Variants in SAMD4A observed in about 807,000 individuals in gnomAD.
The protein encoded by SAMD4A is protein Smaug homolog 1.
In SAMD4A, 33 loss-of-function variants were observed where a neutral mutation model predicts 81.3. That is an observed-to-expected ratio of 0.41 (90% CI 0.31 to 0.54). SAMD4A has a LOEUF of 0.54. Ranked by LOEUF, SAMD4A falls within the 20% of genes least tolerant of loss-of-function variation. The probability of loss-of-function intolerance (pLI) is 0.37; values close to 1 mark genes in which losing one functional copy is unlikely to be tolerated. For missense variants in SAMD4A, 854 were observed against 951.1 expected, an observed-to-expected ratio of 0.90 and a Z score of 1.34; for synonymous variants, 389 against 382.1, an observed-to-expected ratio of 1.02 and a Z score of -0.21.
At chr14:54,766,360 CAGGTTACAGTAGTGAGAGAA>C (rs1287613127) in intron 8 of SAMD4A, among the ~76,000 whole-genome samples, 3 of 151,742 alleles carry the variant, frequency 2.0e-5, no homozygotes, top group Admixed American at 6.6e-5. Context: ...GAGAATTAGG[CAGGTTACAGTAGTGAGAGAA>C]GGGGTGAGAC....
chr14:54,750,053 A>G (rs1377791484), intron 5 of SAMD4A, among the ~76,000 whole-genome samples: 1 of 152,130 alleles, frequency 6.6e-6, no homozygotes, highest in African/African-American at 2.4e-5. Context: ...CTCTTTTTGG[A>G]TCTTGATTGC....
At chr14:54,658,622 C>A (rs1415477445) in intron 2 of SAMD4A, among the ~76,000 whole-genome samples, 1 of 152,210 alleles carries the variant, frequency 6.6e-6, no homozygotes, top group Non-Finnish European at 1.5e-5. Flanking sequence ...ACAGGAGCCT[C>A]TTCCTTACCC....
At chr14:54,639,208 TA>T (rs1326793596) in intron 2 of SAMD4A, among the ~76,000 whole-genome samples, 3 of 152,158 alleles carry the variant, frequency 2.0e-5, no homozygotes, top group Non-Finnish European at 2.9e-5. Context: ...CATAAAATAT[TA>T]TATGTAAAGT....
chr14:54,642,141 C>T (rs530973167), intron 2 of SAMD4A, among the ~76,000 whole-genome samples: 153 of 152,154 alleles, frequency 1.0e-3, no homozygotes, highest in Non-Finnish European at 1.4e-3. Context: ...GATATTAGTT[C>T]TAAGTCTCTC....
chr14:54,655,775 A>G (rs1445098109), intron 2 of SAMD4A, among the ~76,000 whole-genome samples: 1 of 152,112 alleles, frequency 6.6e-6, no homozygotes, highest in Non-Finnish European at 1.5e-5. Flanking sequence ...AAAAGAATAT[A>G]GATCGGGAGT....
Position 54,784,610 on chromosome 14 carries a change from C to T in SAMD4A, c.2118C>T (p.His706=), listed in dbSNP as rs1169556154. 6.2e-6 allele frequency: 10 copies of T among 1,613,970 alleles called. No individual in the cohort carries two copies. The highest frequency in any genetic ancestry group is 1.1e-5 in the South Asian group (1 of 91,078). Residue 706 remains histidine (H), a synonymous_variant, in exon 12 of 13, where the codon CAC becomes CAT. Transcript: ENST00000554335. ...CGTTGTGCCTCAGTATGACCGAACA[C>T]GCCCTGGGAGGTGAGTGTGTTCTTC... ...LESLCLSMTE[H]ALGDGVDRTS...
chr14:54,711,777 C>G (rs1260380995), intron 3 of SAMD4A, among the ~76,000 whole-genome samples: 1 of 151,956 alleles, frequency 6.6e-6, no homozygotes, highest in Non-Finnish European at 1.5e-5. Flanking sequence ...TGAAACTAAA[C>G]AACTTCTGCA....
chr14:54,651,900 CT>C (rs1275000151), intron 2 of SAMD4A, among the ~76,000 whole-genome samples: 1 of 152,178 alleles, frequency 6.6e-6, no homozygotes, highest in Non-Finnish European at 1.5e-5. Context: ...TTTCTTGTAC[CT>C]ACTTTGGTAA....
Position 54,784,214 on chromosome 14 carries a change from G to A in SAMD4A, c.2045-323G>A, listed in dbSNP as rs2039075617. ...CAGAGATAACAAGGGCCTGGATCAT[G>A]CGGGGCCTTATGGGCCAGGGCAGGA... is the stretch of plus-strand genomic sequence containing the variant. On this transcript the variant is annotated intron_variant, in intron 11 of 12. Transcript: ENST00000554335. The A allele has an allele frequency of 1.3e-5, 9 of 704,714 alleles. No individual in the cohort carries two copies. In the South Asian group the frequency reaches 1.5e-4, roughly 12 times the overall value. The allele number at this position is 704,714 out of a possible 1,614,324, so 43.7% of individuals were successfully genotyped here.
intron 2 of SAMD4A, among the ~76,000 whole-genome samples, chr14:54,676,465 C>T (rs2035996483): frequency 6.6e-6 from 1 of 152,188 alleles, no homozygotes; most frequent in South Asian, 2.1e-4. Flanking sequence ...TAACCTCCGC[C>T]TCCCAAGTTC....
intron 4 of SAMD4A, among the ~76,000 whole-genome samples, chr14:54,747,536 C>G (rs1391004527): frequency 2.0e-5 from 3 of 152,190 alleles, no homozygotes; most frequent in Non-Finnish European, 4.4e-5. Context: ...GTGGTCAGTG[C>G]CTCAGAATAA....
Position 54,790,313 on chromosome 14 carries a change from G to A in SAMD4A, c.*1369G>A, listed in dbSNP as rs1260538002. On this transcript the variant is annotated 3_prime_UTR_variant, in exon 13 of 13. Coordinates refer to ENST00000554335, the MANE Select transcript of SAMD4A (RefSeq NM_015589.6). ...AGCCCCGCCATCTCCAGTGGGCGAT[G>A]AAAGATGTAGGAAAGGTTGATTTCA... 1 of 152,288 alleles carries A rather than the reference G, an allele frequency of 6.6e-6. No individual in the cohort carries two copies. Among genetic ancestry groups the A allele is most frequent in the East Asian group, 1.9e-4 (1 of 5,192 alleles). 9.4% of individuals were successfully genotyped at this position (152,288 alleles called of 1,614,324 possible).
rs572327283 is a variant in SAMD4A at position 54,631,561 on chromosome 14, C to T, written c.196+63449C>T. On this transcript the variant is annotated intron_variant, in intron 2 of 12. Coordinates refer to ENST00000554335, the MANE Select transcript of SAMD4A (RefSeq NM_015589.6). ...GCAACTTTGGAGGGCTCCAGGTGGT[C>T]ATTTCTAGGGCAGATGTTTCCCTTA... 1.2e-4 allele frequency among the ~76,000 whole-genome samples: 19 copies of T among 152,238 alleles called. No individual in the cohort carries two copies. In the South Asian group the frequency reaches 3.9e-3, roughly 32 times the overall value.
intron 2 of SAMD4A, among the ~76,000 whole-genome samples, chr14:54,668,573 T>C (rs1205373613): frequency 6.6e-6 from 1 of 152,218 alleles, no homozygotes; most frequent in East Asian, 1.9e-4. Flanking sequence ...CTGTCCTTAC[T>C]TGGGCAAAGA....
chr14:54,774,842 G>A (rs1430314147), intron 9 of SAMD4A, 92 bp from the exon 10 acceptor site: 5 of 921,112 alleles, frequency 5.4e-6, no homozygotes, highest in South Asian at 1.6e-5. Context: ...AAAATGAGGA[G>A]ACCTCCAAGG....
intron 2 of SAMD4A, among the ~76,000 whole-genome samples, chr14:54,633,937 T>G (rs1473664618): frequency 6.6e-6 from 1 of 152,154 alleles, no homozygotes; most frequent in Non-Finnish European, 1.5e-5. Context: ...GTCTTATTAC[T>G]GTGTCCTCAG....
Position 54,793,107 on chromosome 14 carries a change from T to A in SAMD4A, c.*4163T>A, listed in dbSNP as rs992265062. The A allele has an allele frequency of 6.6e-6, 1 of 152,268 alleles. No homozygotes were observed. Among genetic ancestry groups the A allele is most frequent in the African/African-American group, 2.4e-5 (1 of 41,472 alleles). The allele number at this position is 152,268 out of a possible 1,614,324, so 9.4% of individuals were successfully genotyped here. On this transcript the variant is annotated 3_prime_UTR_variant, in exon 13 of 13. Transcript: ENST00000554335. ...GTTACATGTAAAAGCTTTACTGATA[T>A]ACAGATATACTAATGTTTGAAGATG...
At position 54,767,394 on chromosome 14, in the gene SAMD4A, T is replaced by C. The variant is rs183431908; in HGVS notation, c.1597-2710T>C. 4.6e-5 allele frequency among the ~76,000 whole-genome samples: 7 copies of C among 152,080 alleles called. No homozygotes were observed. The East Asian group carries it at 1.4e-3, about 30-fold the overall frequency. On this transcript the variant is annotated intron_variant, in intron 8 of 12. Transcript: ENST00000554335. ...GGATGGAGGGACCGAGTCCCCAGAG[T>C]CATGAATGGAAGGAGAGGAAAGTTC...
chr14:54,780,890 C>G (rs1242159432), intron 11 of SAMD4A, among the ~76,000 whole-genome samples: 2 of 152,060 alleles, frequency 1.3e-5, no homozygotes, highest in African/African-American at 4.8e-5. Flanking sequence ...CCATCTCTGC[C>G]ATCCTCAGCT....
Sources: allele counts gnomAD v4.1 joint callset (sites outside exome capture counted in the v4.1 genomes callset), GRCh38; gene constraint gnomAD v4.1.1; transcripts MANE v1.5; gene names NCBI Gene and HGNC (gene_info 2026-07-23, HGNC 2026-07-21).